The following ACSM3 variants were observed in gnomAD, a reference collection of about 807,000 sequenced individuals.
ACSM3 encodes acyl-coenzyme A synthetase ACSM3, mitochondrial.
ACSM3 carries 61 observed loss-of-function variants against 74.1 expected under a neutral mutation model. The ratio of observed to expected loss-of-function variants is 0.82; its 90% confidence interval spans 0.67 to 1.02. The LOEUF is 1.02. Among genes scored for constraint, ACSM3 ranks in the 50% least tolerant of loss-of-function variants. ACSM3 has a pLI of 0.00. For synonymous variants in ACSM3, 213 were observed against 241.5 expected (o/e 0.88, Z 1.09); for missense variants, 660 against 697.0 (o/e 0.95, Z 0.60).
chr16:20,741,420 G>T, intron 1 of ACSM3: 1 of 1,422,900 alleles, frequency 7.0e-7, no homozygotes, highest in Non-Finnish European at 9.3e-7. Context: ...CCCGAGGCGC[G>T]CATGCCCATA....
chr16:20,707,988 T>TA (rs2079732604), intron 1 of ACSM3, among the ~76,000 whole-genome samples: 1 of 152,106 alleles, frequency 6.6e-6, no homozygotes, highest in Middle Eastern at 3.2e-3. Flanking sequence ...AAATGAAATT[T>TA]AAAAAAATAA....
intron 1 of ACSM3, among the ~76,000 whole-genome samples, chr16:20,684,278 G>A (rs1164994757): frequency 3.3e-5 from 5 of 152,184 alleles, no homozygotes; most frequent in Admixed American, 2.6e-4. Context: ...AAACCATAAT[G>A]TGAAAGAATG....
intron 1 of ACSM3, among the ~76,000 whole-genome samples, chr16:20,715,357 A>G (rs928676976): frequency 7.9e-5 from 12 of 152,190 alleles, no homozygotes; most frequent in African/African-American, 2.4e-4. Flanking sequence ...TAATCCCAGC[A>G]CTTTTGGATC....
chr16:20,691,032 T>C, intron 1 of ACSM3: 1 of 1,613,698 alleles, frequency 6.2e-7, no homozygotes, highest in Non-Finnish European at 8.5e-7. Context: ...AGTACATAAC[T>C]TGCAAAGTTA....
At chr16:20,737,217 T>G (rs763768994) in intron 1 of ACSM3, 6 of 1,614,138 alleles carry the variant, frequency 3.7e-6, no homozygotes, top group Non-Finnish European at 5.1e-6. Context: ...TTTGATGATT[T>G]CTACTACCAC....
chr16:20,685,054 T>C, intron 1 of ACSM3: 1 of 816,350 alleles, frequency 1.2e-6, no homozygotes, highest in Admixed American at 2.3e-5. Context: ...AGCCTTGCTT[T>C]GTGGTCCCAG....
intron 1 of ACSM3, chr16:20,682,258 AACCAGCGATCGGAAGTCCAGCC>A: frequency 6.2e-7 from 1 of 1,612,676 alleles, no homozygotes; most frequent in Non-Finnish European, 8.5e-7. Context: ...AGACTCACTT[AACCAGCGATCGGAAGTCCAGCC>A]ACCCTTCACG....
chr16:20,700,725 G>A (rs978525649), intron 1 of ACSM3, among the ~76,000 whole-genome samples: 2 of 152,050 alleles, frequency 1.3e-5, no homozygotes, highest in Admixed American at 6.6e-5. Context: ...AAGATTTTAG[G>A]AGGAAAGAGA....
At chr16:20,722,538 A>C (rs1002825920) in intron 1 of ACSM3, among the ~76,000 whole-genome samples, 1 of 152,186 alleles carries the variant, frequency 6.6e-6, no homozygotes, top group Admixed American at 6.5e-5. Context: ...AAAAATTAAG[A>C]AAAAACCTAA....
intron 9 of ACSM3, among the ~76,000 whole-genome samples, chr16:20,787,794 G>C (rs1311540692): frequency 6.6e-6 from 1 of 152,178 alleles, no homozygotes. Flanking sequence ...TTAAAGCTCT[G>C]TAAGTTCCAG....
intron 10 of ACSM3, 76 bp from the exon 11 acceptor site, chr16:20,791,926 G>A (rs1056890503): frequency 6.1e-6 from 9 of 1,479,214 alleles, no homozygotes; most frequent in South Asian, 2.5e-5. Flanking sequence ...AGACTGTCTC[G>A]GAAAAAAAAA....
At chr16:20,741,355 G>C (rs1266485306) in intron 1 of ACSM3, among the ~76,000 whole-genome samples, 1 of 152,258 alleles carries the variant, frequency 6.6e-6, no homozygotes, top group Non-Finnish European at 1.5e-5. Flanking sequence ...AGCGTCTCAG[G>C]ACTAGGGACG....
At chr16:20,701,408 T>G (rs529369649) in intron 1 of ACSM3, among the ~76,000 whole-genome samples, 4 of 152,260 alleles carry the variant, frequency 2.6e-5, no homozygotes, top group South Asian at 4.2e-4. Flanking sequence ...AGGAGTGATT[T>G]GAAATAATGT....
intron 1 of ACSM3, chr16:20,711,520 C>A: frequency 7.1e-7 from 1 of 1,417,664 alleles, no homozygotes; most frequent in Non-Finnish European, 9.7e-7. Flanking sequence ...AAAATATATC[C>A]TCTACCGGCT....
At chr16:20,760,383 C>T (rs1018602844), upstream of ACSM3, among the ~76,000 whole-genome samples, 2 of 152,118 alleles carry the variant, frequency 1.3e-5, no homozygotes, top group Admixed American at 6.5e-5. Context: ...GCCAGACATA[C>T]ATCCAGAAAG....
chr16:20,778,573 G>T (rs1038557405), intron 4 of ACSM3, among the ~76,000 whole-genome samples: 3 of 152,152 alleles, frequency 2.0e-5, no homozygotes, highest in African/African-American at 7.2e-5. Context: ...TTACACAGCT[G>T]AATAAGGTCA....
chr16:20,754,253 G>A (rs2080011815), intron 2 of ACSM3, among the ~76,000 whole-genome samples: 1 of 152,196 alleles, frequency 6.6e-6, no homozygotes, highest in Non-Finnish European at 1.5e-5. Flanking sequence ...ATCTCCAAGT[G>A]TAGAAATGTA....
rs1482682380 is a variant in ACSM3 at position 20,744,525 on chromosome 16, C to CGGGA, written c.-189-5385_-189-5384insGGGA. On this transcript the variant is annotated intron_variant, in intron 1 of 3. Coordinates refer to the ACSM3 transcript ENST00000561584. ...TCAGCCTCCCAAGTAGCTGGGATTA[C>CGGGA]CTGTGCATGCCACCACGGCCAACTA... is the stretch of plus-strand genomic sequence containing the variant. Among the ~76,000 whole-genome samples the CGGGA allele has an allele frequency of 3.9e-5, 6 of 152,274 alleles. No individual in the cohort carries two copies. The East Asian group carries it at 1.2e-3, about 29-fold the overall frequency.
intron 2 of ACSM3, among the ~76,000 whole-genome samples, chr16:20,771,371 C>CTT (rs57406215): frequency 0.048 from 4,078 of 85,238 alleles, 309 homozygotes; most frequent in African/African-American, 0.054. Flanking sequence ...GGCCGAGCTC[C>CTT]TTTTTTTTTT....
Sources: allele counts gnomAD v4.1 joint callset (sites outside exome capture counted in the v4.1 genomes callset), GRCh38; gene constraint gnomAD v4.1.1; transcripts MANE v1.5; gene names NCBI Gene and HGNC (gene_info 2026-07-23, HGNC 2026-07-21).